CTNNA3: variants seen among roughly 807,000 people sequenced by gnomAD.
The protein encoded by CTNNA3 is catenin alpha 3, also known as catenin alpha-3.
Under a neutral mutation model 95.7 loss-of-function variants are expected in CTNNA3, and 76 were observed. That is an observed-to-expected ratio of 0.79 (90% confidence interval 0.66 to 0.96). CTNNA3 has a LOEUF of 0.96. Among genes scored for constraint, CTNNA3 ranks in the 40% least tolerant of loss-of-function variants. CTNNA3 has a pLI of 0.00. For synonymous variants in CTNNA3, 431 were observed against 374.4 expected (o/e 1.15, Z -1.74); for missense variants, 1,191 against 1,089.8 (o/e 1.09, Z -1.31).
intron 7 of CTNNA3, among the ~76,000 whole-genome samples, chr10:67,133,073 G>A (rs1435670094): frequency 1.3e-5 from 2 of 151,588 alleles, no homozygotes; most frequent in Non-Finnish European, 2.9e-5. Context: ...GAGAGGACTT[G>A]AAATGATACC....
rs373311231 is a variant in CTNNA3 at position 67,580,151 on chromosome 10, C to A, written c.292+26706G>T. 1.6e-3 allele frequency among the ~76,000 whole-genome samples: 242 copies of A among 152,174 alleles called. 1 individual carries two copies. In the Middle Eastern group the frequency reaches 0.031, roughly 19 times the overall value. On this transcript the variant is annotated intron_variant, in intron 3 of 17. Coordinates refer to ENST00000433211, the MANE Select transcript of CTNNA3 (RefSeq NM_013266.4). Reference sequence around the variant, plus strand: ...GCCTGTGCCTATGTCCTGAATGGTACTGCCTAGGTTTTCTTCTAGGGCTCT... The same window carrying A: ...GCCTGTGCCTATGTCCTGAATGGTAATGCCTAGGTTTTCTTCTAGGGCTCT...
At chr10:67,562,851 A>G (rs1841575816) in intron 3 of CTNNA3, among the ~76,000 whole-genome samples, 3 of 152,080 alleles carry the variant, frequency 2.0e-5, no homozygotes, top group South Asian at 4.1e-4. Flanking sequence ...AATAACAGAC[A>G]AACAGAGAGC....
intron 13 of CTNNA3, among the ~76,000 whole-genome samples, chr10:66,131,080 A>AAAAGAAG (rs2083074288): frequency 6.6e-6 from 1 of 151,278 alleles, no homozygotes; most frequent in Non-Finnish European, 1.5e-5. Flanking sequence ...AAAAAAAAAA[A>AAAAGAAG]AAGAAGAAGA....
intron 15 of CTNNA3, among the ~76,000 whole-genome samples, chr10:66,030,546 C>T (rs1318473822): frequency 2.0e-5 from 3 of 152,162 alleles, no homozygotes; most frequent in Non-Finnish European, 2.9e-5. Context: ...TCACCATATA[C>T]AAAAATTAAC....
At chr10:66,580,531 T>C (rs2132194313) in intron 10 of CTNNA3, among the ~76,000 whole-genome samples, 1 of 151,944 alleles carries the variant, frequency 6.6e-6, no homozygotes, top group Non-Finnish European at 1.5e-5. Context: ...TTTGAAATCT[T>C]TGTAAGATAA....
At chr10:67,577,358 C>A (rs1030471410) in intron 3 of CTNNA3, among the ~76,000 whole-genome samples, 1 of 150,688 alleles carries the variant, frequency 6.6e-6, no homozygotes, top group Non-Finnish European at 1.5e-5. Context: ...ATGTCCTTTG[C>A]CCACTTTTTG....
At position 66,552,656 on chromosome 10, in the gene CTNNA3, A is replaced by C. The variant is rs549633037; in HGVS notation, c.1375-31883T>G. On this transcript the variant is annotated intron_variant, in intron 10 of 17. Transcript: ENST00000433211. Reference sequence around the variant, plus strand: ...ACTCCGATATTTTGTATTTTTTTCTAGGGATTTTGTATATGTGTTTATTTC... The same window carrying C: ...ACTCCGATATTTTGTATTTTTTTCTCGGGATTTTGTATATGTGTTTATTTC... Among the ~76,000 whole-genome samples the C allele has an allele frequency of 1.1e-4, 16 of 149,872 alleles. No homozygotes were observed. In the South Asian group the frequency reaches 2.1e-3, roughly 19 times the overall value.
intron 16 of CTNNA3, among the ~76,000 whole-genome samples, chr10:65,969,398 C>A (rs1485752921): frequency 1.3e-5 from 2 of 152,098 alleles, no homozygotes; most frequent in East Asian, 3.8e-4. Flanking sequence ...CATCAACATA[C>A]CATACTAGTT....
chr10:66,002,135 A>G (rs922880137), intron 15 of CTNNA3, among the ~76,000 whole-genome samples: 2 of 152,194 alleles, frequency 1.3e-5, no homozygotes, highest in African/African-American at 4.8e-5. Flanking sequence ...ATTCTGTATT[A>G]GATAAAAAAG....
intron 9 of CTNNA3, among the ~76,000 whole-genome samples, chr10:66,703,406 A>G (rs1348382928): frequency 6.6e-6 from 1 of 152,196 alleles, no homozygotes; most frequent in African/African-American, 2.4e-5. Flanking sequence ...GAATTAATGA[A>G]GTCACATTTG....
rs567196251 is a variant in CTNNA3 at position 67,504,105 on chromosome 10, C to T, written c.579+17737G>A. ...CCAGAAGGTGGAGCTTGCAGTGAGC[C>T]GAGATCACGCCACTGCACTCCAGCC... is the stretch of plus-strand genomic sequence containing the variant. On this transcript the variant is annotated intron_variant, in intron 5 of 17. Transcript: ENST00000433211. Among the ~76,000 whole-genome samples, 215 of 148,678 alleles carry T rather than the reference C, an allele frequency of 1.4e-3. 3 individuals are homozygous for T. Among genetic ancestry groups the T allele is most frequent in the African/African-American group, 5.1e-3 (204 of 40,130 alleles).
intron 12 of CTNNA3, among the ~76,000 whole-genome samples, chr10:66,295,061 CTT>C (rs995778247): frequency 5.9e-5 from 9 of 152,130 alleles, no homozygotes; most frequent in African/African-American, 2.2e-4. Context: ...GCTTCACAGA[CTT>C]TTAAGACAAG....
chr10:66,088,485 TTGTGTGTGTGTGTGTGTGTG>T (rs3074377), intron 14 of CTNNA3, among the ~76,000 whole-genome samples: 3 of 139,568 alleles, frequency 2.1e-5, no homozygotes, highest in Non-Finnish European at 3.1e-5. Context: ...GGTAGGTGTT[TTGTGTGTGTGTGTGTGTGTG>T]TGTGTGTGTG....
At chr10:66,581,920 G>A (rs572017110) in intron 10 of CTNNA3, among the ~76,000 whole-genome samples, 28 of 151,506 alleles carry the variant, frequency 1.8e-4, no homozygotes, top group African/African-American at 5.8e-4. Context: ...TCCTTTCCCC[G>A]ATTTATGTTT....
At chr10:66,916,367 C>T (rs1430813784) in intron 7 of CTNNA3, among the ~76,000 whole-genome samples, 1 of 152,024 alleles carries the variant, frequency 6.6e-6, no homozygotes, top group Non-Finnish European at 1.5e-5. Flanking sequence ...CAACAAAATT[C>T]AAAAATATTA....
intron 5 of CTNNA3, among the ~76,000 whole-genome samples, chr10:67,223,487 A>T (rs1448056962): frequency 3.3e-5 from 5 of 152,160 alleles, no homozygotes; most frequent in Non-Finnish European, 5.9e-5. Flanking sequence ...ATCTTTTTTT[A>T]AATGCTCCAG....
intron 4 of CTNNA3, among the ~76,000 whole-genome samples, chr10:67,529,885 C>T (rs192541455): frequency 6.6e-6 from 1 of 152,098 alleles, no homozygotes; most frequent in African/African-American, 2.4e-5. Context: ...GGGAGGAACC[C>T]GGTGGGAGGT....
At chr10:66,438,458 C>G (rs934237371) in intron 11 of CTNNA3, among the ~76,000 whole-genome samples, 4 of 152,086 alleles carry the variant, frequency 2.6e-5, no homozygotes, top group African/African-American at 9.7e-5. Flanking sequence ...TTTGGTGGGC[C>G]CCACCCAGTT....
rs61085873 is a variant in CTNNA3, at chr10:66,845,703, C to CAAAAAAAAAAAAAAAAAAAAA, written c.1048-70200_1048-70180dup. Among the ~76,000 whole-genome samples, 5 of 23,528 alleles carry CAAAAAAAAAAAAAAAAAAAAA rather than the reference C, an allele frequency of 2.1e-4. 1 individual carries two copies. The highest frequency in any genetic ancestry group is 3.1e-4 in the African/African-American group (3 of 9,758). 15.4% of individuals were successfully genotyped at this position (23,528 alleles called of 152,430 possible). A position where few individuals can be genotyped will look rare whatever the true frequency, so the allele number is the denominator to read the frequency against. Reference sequence around the variant, plus strand: ...GGGTAACAACAGCAAAACTCTGTCTCAAAAAAAAAAAAAAAAAAAAAAAAA... The same window carrying CAAAAAAAAAAAAAAAAAAAAA: ...GGGTAACAACAGCAAAACTCTGTCTCAAAAAAAAAAAAAAAAAAAAAAAAAAAAAAAAAAAAAAAAAAAAAA... On this transcript the variant is annotated intron_variant, in intron 7 of 17. Transcript: ENST00000433211.
Sources: allele counts gnomAD v4.1 joint callset (sites outside exome capture counted in the v4.1 genomes callset), GRCh38; gene constraint gnomAD v4.1.1; transcripts MANE v1.5; gene names NCBI Gene and HGNC (gene_info 2026-07-23, HGNC 2026-07-21).